The following GUCY1A2 variants were observed in gnomAD, a reference collection of about 807,000 sequenced individuals.
GUCY1A2 encodes guanylate cyclase 1 soluble subunit alpha 2.
GUCY1A2 carries 27 observed loss-of-function variants against 63.5 expected under a neutral mutation model. The ratio of observed to expected loss-of-function variants is 0.43; its 90% CI spans 0.31 to 0.59. The LOEUF (loss-of-function observed/expected upper bound fraction) is 0.59. GUCY1A2 is among the 20% of genes least tolerant of loss of function. GUCY1A2 has a pLI of 0.11. For synonymous variants in GUCY1A2, 364 were observed against 343.5 expected (o/e 1.06, Z -0.66); for missense variants, 768 against 913.3 (o/e 0.84, Z 2.05).
At chr11:106,752,553 T>G (rs545176120) in intron 6 of GUCY1A2, among the ~76,000 whole-genome samples, 17 of 151,306 alleles carry the variant, frequency 1.1e-4, no homozygotes, top group African/African-American at 3.9e-4. Flanking sequence ...GATGTTCCCC[T>G]CCCTGTGCCC....
intron 5 of GUCY1A2, among the ~76,000 whole-genome samples, chr11:106,798,591 G>C (rs1200045983): frequency 6.6e-6 from 1 of 152,132 alleles, no homozygotes; most frequent in African/African-American, 2.4e-5. Context: ...TCATCCCTGG[G>C]ATGCAAGGCT....
intron 5 of GUCY1A2, among the ~76,000 whole-genome samples, chr11:106,808,713 A>G (rs2135423398): frequency 6.6e-6 from 1 of 152,250 alleles, no homozygotes; most frequent in Non-Finnish European, 1.5e-5. Flanking sequence ...GAGGGAAAAG[A>G]TTGGTTGTGG....
intron 4 of GUCY1A2, chr11:106,826,686 G>A: frequency 6.2e-7 from 1 of 1,609,438 alleles, no homozygotes; most frequent in African/African-American, 1.3e-5. Context: ...GTTCAAAGCT[G>A]AAATCCATGT....
At chr11:106,988,111 A>G (rs1861424894) in intron 1 of GUCY1A2, among the ~76,000 whole-genome samples, 1 of 152,246 alleles carries the variant, frequency 6.6e-6, no homozygotes, top group Non-Finnish European at 1.5e-5. Context: ...CTAGGAAAGA[A>G]AAATCATTCC....
chr11:106,733,926 T>C (rs1863545838), intron 6 of GUCY1A2, among the ~76,000 whole-genome samples: 1 of 152,146 alleles, frequency 6.6e-6, no homozygotes. Flanking sequence ...AGCATTCCTC[T>C]ATCTCCTAGA....
chr11:106,944,216 A>AG (rs1491172136), intron 3 of GUCY1A2, among the ~76,000 whole-genome samples: 2 of 89,236 alleles, frequency 2.2e-5, no homozygotes, highest in Non-Finnish European at 4.6e-5. Context: ...CCCTGTCTCC[A>AG]AAAAAAAAAA....
At chr11:106,868,230 T>C (rs1258643422) in intron 4 of GUCY1A2, among the ~76,000 whole-genome samples, 1 of 152,046 alleles carries the variant, frequency 6.6e-6, no homozygotes, top group Non-Finnish European at 1.5e-5. Context: ...GTCATAACAT[T>C]GAATGATAAT....
At chr11:106,705,814 T>A (rs1862899341) in intron 7 of GUCY1A2, among the ~76,000 whole-genome samples, 1 of 152,006 alleles carries the variant, frequency 6.6e-6, no homozygotes, top group Non-Finnish European at 1.5e-5. Context: ...GAGCGGAGAT[T>A]GTGCCACTGC....
At position 107,018,030 on chromosome 11, in the gene GUCY1A2, T is replaced by C. The variant is rs200212839; in HGVS notation, c.26A>G (p.Glu9Gly). MSRRKISS[E>G]SFSSLGSDYL... ...GTCGGAGCCCAGGGAGCTGAAGGAC[T>C]CGGACGAAATCTTCCTTCGAGACAT... The change falls in exon 1 of 8, where the codon GAG becomes GGG. Residue 9 changes from glutamate to glycine, a missense_variant. By Grantham distance (98) the Glu-to-Gly change is moderately conservative. Transcript: ENST00000526355. 1 of 1,472,642 alleles carries C rather than the reference T, an allele frequency of 6.8e-7. No individual in the cohort carries two copies. The highest frequency in any genetic ancestry group is 9.1e-7 in the Non-Finnish European group (1 of 1,100,818). 91.2% of individuals were successfully genotyped at this position (1,472,642 alleles called of 1,614,324 possible). A position where few individuals can be genotyped will look rare whatever the true frequency, so the allele number is the denominator to read the frequency against.
intron 6 of GUCY1A2, among the ~76,000 whole-genome samples, chr11:106,727,862 C>T (rs755515901): frequency 1.3e-5 from 2 of 152,142 alleles, no homozygotes; most frequent in Non-Finnish European, 2.9e-5. Context: ...CCACCTGACT[C>T]CAGCCAATTT....
chr11:106,807,263 TA>T (rs879356719), intron 5 of GUCY1A2, among the ~76,000 whole-genome samples: 10 of 152,322 alleles, frequency 6.6e-5, no homozygotes, highest in Non-Finnish European at 1.2e-4. Flanking sequence ...CAATAGCCAT[TA>T]AAAATCTGGC....
chr11:106,705,351 T>C (rs2135346615), intron 7 of GUCY1A2, among the ~76,000 whole-genome samples: 1 of 152,236 alleles, frequency 6.6e-6, no homozygotes, highest in South Asian at 2.1e-4. Context: ...CAGCTCAAAA[T>C]GCACCTTCGA....
intron 6 of GUCY1A2, among the ~76,000 whole-genome samples, chr11:106,758,459 A>G (rs1307811335): frequency 6.6e-6 from 1 of 152,150 alleles, no homozygotes; most frequent in African/African-American, 2.4e-5. Flanking sequence ...TCACAGGTGA[A>G]GCAACGCCAC....
chr11:106,824,110 A>C (rs550145847), intron 4 of GUCY1A2: 1 of 1,507,842 alleles, frequency 6.6e-7, no homozygotes, highest in African/African-American at 1.4e-5. Flanking sequence ...ATAGGACCTA[A>C]AGCTAATCTT....
At chr11:106,909,270 C>G (rs745668233) in intron 4 of GUCY1A2, among the ~76,000 whole-genome samples, 11 of 151,176 alleles carry the variant, frequency 7.3e-5, no homozygotes, top group Non-Finnish European at 1.5e-4. Context: ...AATGGTTACA[C>G]CTTTAAAAAC....
chr11:106,848,667 T>G (rs753811312), intron 4 of GUCY1A2, among the ~76,000 whole-genome samples: 1 of 151,632 alleles, frequency 6.6e-6, no homozygotes, highest in Non-Finnish European at 1.5e-5. Flanking sequence ...TCATATAATT[T>G]GTACACTGGC....
chr11:106,773,524 A>G (rs1358338587), intron 6 of GUCY1A2, among the ~76,000 whole-genome samples: 1 of 152,220 alleles, frequency 6.6e-6, no homozygotes, highest in Non-Finnish European at 1.5e-5. Flanking sequence ...CTTCCCTTGT[A>G]CATGTGTAAA....
intron 5 of GUCY1A2, among the ~76,000 whole-genome samples, chr11:106,806,618 G>T (rs970449805): frequency 1.1e-4 from 16 of 152,128 alleles, no homozygotes; most frequent in African/African-American, 3.1e-4. Context: ...TACGTATGTT[G>T]TTTATGTTGA....
chr11:106,751,898 A>G (rs1863888255), intron 6 of GUCY1A2, among the ~76,000 whole-genome samples: 2 of 152,208 alleles, frequency 1.3e-5, no homozygotes, highest in Admixed American at 6.6e-5. Flanking sequence ...AGAATTTTAT[A>G]TATTTCTACA....
Sources: allele counts gnomAD v4.1 joint callset (sites outside exome capture counted in the v4.1 genomes callset), GRCh38; gene constraint gnomAD v4.1.1; transcripts MANE v1.5; gene names NCBI Gene and HGNC (gene_info 2026-07-23, HGNC 2026-07-21).